UNC80: variants seen among roughly 807,000 people sequenced by gnomAD.
UNC80 encodes the protein protein unc-80 homolog.
In UNC80, 164 loss-of-function variants were observed where a neutral mutation model predicts 384.6. That is an observed-to-expected ratio of 0.43 (90% confidence interval 0.38 to 0.49). The LOEUF is 0.49. Ranked by LOEUF, UNC80 falls within the 20% of genes least tolerant of loss-of-function variation. UNC80 has a pLI of 0.00. For synonymous variants in UNC80, 1,486 were observed against 1,527.8 expected (o/e 0.97, Z 0.64); for missense variants, 3,330 against 4,143.0 (o/e 0.80, Z 5.39).
intron 22 of UNC80, among the ~76,000 whole-genome samples, chr2:209,852,022 G>A (rs903294119): frequency 6.6e-6 from 1 of 152,078 alleles, no homozygotes; most frequent in African/African-American, 2.4e-5. Context: ...AGAAAATGAA[G>A]GAGCGCTGGA....
intron 47 of UNC80, among the ~76,000 whole-genome samples, chr2:209,950,233 T>C (rs2092107414): frequency 6.6e-6 from 1 of 152,182 alleles, no homozygotes; most frequent in South Asian, 2.1e-4. Flanking sequence ...AGATTCTTTA[T>C]CCTGGTGGTG....
chr2:209,866,037 A>G (rs570065258), intron 22 of UNC80, among the ~76,000 whole-genome samples: 1 of 150,414 alleles, frequency 6.6e-6, no homozygotes, highest in Non-Finnish European at 1.5e-5. Flanking sequence ...TATTGTTTAT[A>G]TTTTGCAGTT....
At chr2:209,816,825 A>G (rs1464966066) in intron 9 of UNC80, 84 bp from the exon 10 acceptor site, 2 of 1,235,820 alleles carry the variant, frequency 1.6e-6, no homozygotes, top group Non-Finnish European at 2.3e-6. Flanking sequence ...CTTGTATTTT[A>G]CTGCAGATCA....
At position 209,819,276 on chromosome 2, in the gene UNC80, T is replaced by C; in HGVS notation, c.1962+15T>C. ...TTGATCTTTCTGTAAGAAGCAAGAATTTTTCTTACCAAAGTTAGACAGATA... is the reference window on the plus strand; with the variant it reads ...TTGATCTTTCTGTAAGAAGCAAGAACTTTTCTTACCAAAGTTAGACAGATA... On this transcript the variant is annotated intron_variant, in intron 12 of 64. Coordinates refer to ENST00000673920, the MANE Select transcript of UNC80 (RefSeq NM_001371986.1). The C allele has an allele frequency of 1.3e-6, 2 of 1,540,648 alleles. No homozygotes were observed. The highest frequency in any genetic ancestry group is 1.2e-5 in the South Asian group (1 of 82,426).
intron 48 of UNC80, among the ~76,000 whole-genome samples, chr2:209,956,858 A>G (rs1231665053): frequency 1.3e-5 from 2 of 152,190 alleles, no homozygotes; most frequent in Non-Finnish European, 2.9e-5. Flanking sequence ...AATTGTGTCT[A>G]TCACAACAGG....
At chr2:209,811,981 C>A (rs140211661) in intron 7 of UNC80, among the ~76,000 whole-genome samples, 1 of 152,270 alleles carries the variant, frequency 6.6e-6, no homozygotes, top group African/African-American at 2.4e-5. Flanking sequence ...AACAAATGGT[C>A]ATTAAGTGAG....
intron 7 of UNC80, chr2:209,809,031 T>C: frequency 2.8e-6 from 1 of 359,740 alleles, no homozygotes; most frequent in South Asian, 2.5e-5. Context: ...CCCAAGAGAG[T>C]TTCAAGGCGG....
intron 25 of UNC80, among the ~76,000 whole-genome samples, chr2:209,887,785 T>C (rs2085961244): frequency 6.6e-6 from 1 of 152,186 alleles, no homozygotes; most frequent in African/African-American, 2.4e-5. Context: ...AGGCCAAAGA[T>C]GCAGCCAAAA....
chr2:209,943,579 T>G (rs1192563629), intron 45 of UNC80, 65 bp downstream of exon 45: 1 of 1,533,468 alleles, frequency 6.5e-7, no homozygotes, highest in Non-Finnish European at 8.8e-7. Context: ...AGGTTATTTA[T>G]TAGAGCTTAC....
At chr2:209,791,132 C>A (rs565220985) in intron 6 of UNC80, among the ~76,000 whole-genome samples, 24 of 152,276 alleles carry the variant, frequency 1.6e-4, no homozygotes, top group African/African-American at 5.8e-4. Flanking sequence ...AATCCAGGCC[C>A]TCATGACTAA....
chr2:209,865,911 TG>T (rs2083715702), intron 22 of UNC80, among the ~76,000 whole-genome samples: 1 of 152,194 alleles, frequency 6.6e-6, no homozygotes, highest in African/African-American at 2.4e-5. Flanking sequence ...ATTTATAGGC[TG>T]ACATTTTCTT....
rs1188387579 is a variant in UNC80 at position 209,841,472 on chromosome 2, C to T, written c.3357+824C>T. 2.6e-5 allele frequency among the ~76,000 whole-genome samples: 4 copies of T among 152,272 alleles called. No homozygotes were observed. In the East Asian group the frequency reaches 7.7e-4, roughly 29 times the overall value. On this transcript the variant is annotated intron_variant, in intron 20 of 64. Transcript: ENST00000673920. ...CTGGGTTCAAATGATTCTCCTGCCT[C>T]AGCCTCCCGAGTAGCTGGGACTAGT...
At chr2:209,813,447 T>TA in intron 7 of UNC80, 133 bp from the exon 8 acceptor site, 1 of 922,798 alleles carries the variant, frequency 1.1e-6, no homozygotes, top group Non-Finnish European at 1.6e-6. Context: ...GGAAGGATAT[T>TA]AGAGTAAACT....
At chr2:209,898,814 A>C (rs759049525) in intron 28 of UNC80, among the ~76,000 whole-genome samples, 1 of 152,102 alleles carries the variant, frequency 6.6e-6, no homozygotes, top group Admixed American at 6.6e-5. Flanking sequence ...CTCTATGTCC[A>C]TGAGTTCAAT....
intron 23 of UNC80, among the ~76,000 whole-genome samples, chr2:209,874,786 T>C (rs772852285): frequency 4.6e-5 from 7 of 152,224 alleles, no homozygotes; most frequent in Non-Finnish European, 7.3e-5. Context: ...ATCCCAGACC[T>C]ACATTGCCAG....
chr2:209,914,974 A>G (rs1226294664), intron 31 of UNC80, among the ~76,000 whole-genome samples: 2 of 152,122 alleles, frequency 1.3e-5, no homozygotes, highest in African/African-American at 4.8e-5. Flanking sequence ...ATATCTTGGT[A>G]AAATATCTTT....
chr2:209,939,987 C>T (rs1575087039), intron 43 of UNC80, among the ~76,000 whole-genome samples: 1 of 152,136 alleles, frequency 6.6e-6, no homozygotes, highest in East Asian at 1.9e-4. Flanking sequence ...GCCCCACGCT[C>T]CACCTCCGGG....
intron 21 of UNC80, among the ~76,000 whole-genome samples, chr2:209,844,456 TTTCTTTC>T (rs1486364938): frequency 3.8e-4 from 9 of 23,780 alleles, no homozygotes; most frequent in Non-Finnish European, 5.7e-4. Context: ...TTTTCTTTTC[TTTCTTTC>T]TTTCTTTCTT....
intron 21 of UNC80, among the ~76,000 whole-genome samples, chr2:209,846,600 C>T (rs1047823290): frequency 6.6e-6 from 1 of 151,672 alleles, no homozygotes; most frequent in Non-Finnish European, 1.5e-5. Context: ...TTTATACATC[C>T]CTTATTGGAT....
Sources: gnomAD v4.1 joint callset for allele counts (sites outside exome capture counted in the v4.1 genomes callset) on GRCh38, gnomAD v4.1.1 for gene constraint, MANE v1.5 for transcripts, NCBI Gene and HGNC (gene_info 2026-07-23, HGNC 2026-07-21) for gene names.